Variants in KCNJ6 observed in about 807,000 individuals in gnomAD.
The protein encoded by KCNJ6 is G protein-activated inward rectifier potassium channel 2.
In KCNJ6, 9 loss-of-function variants were observed where a neutral mutation model predicts 34.2. That is an observed-to-expected ratio of 0.26 (90% CI 0.16 to 0.46). KCNJ6 has a LOEUF of 0.46. Among genes scored for constraint, KCNJ6 ranks in the 20% least tolerant of loss-of-function variants. KCNJ6 has a pLI of 1.00. For missense variants in KCNJ6, 236 were observed against 531.3 expected (o/e 0.44, Z 5.46); for synonymous variants, 196 against 207.1 (o/e 0.95, Z 0.46).
intron 1 of KCNJ6, among the ~76,000 whole-genome samples, chr21:37,871,445 G>A (rs747264240): frequency 2.0e-5 from 3 of 152,200 alleles, no homozygotes; most frequent in Admixed American, 6.5e-5. Context: ...TCCCACCCAC[G>A]TATCTGGCAG....
At chr21:37,655,596 A>T (rs184543385) in intron 3 of KCNJ6, among the ~76,000 whole-genome samples, 484 of 152,264 alleles carry the variant, frequency 3.2e-3, no homozygotes, top group South Asian at 0.014. Context: ...TGATGTGAAA[A>T]TTCTTTGCAA....
intron 2 of KCNJ6, among the ~76,000 whole-genome samples, chr21:37,724,041 C>T (rs858041): frequency 0.4 from 59,974 of 151,684 alleles, 12,346 homozygotes; most frequent in Admixed American, 0.47. Flanking sequence ...ATGCGGTGTG[C>T]GTGGAGGAAA....
intron 3 of KCNJ6, among the ~76,000 whole-genome samples, chr21:37,708,178 A>T (rs2123444302): frequency 6.6e-6 from 1 of 152,330 alleles, no homozygotes; most frequent in South Asian, 2.1e-4. Context: ...ATATATGGTG[A>T]CCTTGACTCC....
chr21:37,646,709 C>T (rs1386660948), intron 3 of KCNJ6, among the ~76,000 whole-genome samples: 4 of 147,886 alleles, frequency 2.7e-5, no homozygotes, highest in Non-Finnish European at 4.4e-5. Context: ...TTGGCTCTGT[C>T]GCCCAGGCTG....
At chr21:37,689,069 CTGAA>C (rs1386310966) in intron 3 of KCNJ6, among the ~76,000 whole-genome samples, 1 of 152,132 alleles carries the variant, frequency 6.6e-6, no homozygotes, top group Non-Finnish European at 1.5e-5. Flanking sequence ...CAATGGATAT[CTGAA>C]TGATGTATGT....
At chr21:37,701,212 T>G (rs2054689217) in intron 3 of KCNJ6, among the ~76,000 whole-genome samples, 1 of 152,042 alleles carries the variant, frequency 6.6e-6, no homozygotes. Flanking sequence ...TGGGAAAATG[T>G]GCAGAAGGGA....
intron 2 of KCNJ6, among the ~76,000 whole-genome samples, chr21:37,764,697 G>A (rs1465796896): frequency 9.9e-5 from 15 of 152,160 alleles, no homozygotes; most frequent in Non-Finnish European, 1.8e-4. Context: ...CTTTTTGATG[G>A]TGCTTTCCAA....
chr21:37,706,927 C>T (rs946689402), intron 3 of KCNJ6, among the ~76,000 whole-genome samples: 6 of 152,144 alleles, frequency 3.9e-5, no homozygotes, highest in Non-Finnish European at 5.9e-5. Context: ...CAAATGTAAA[C>T]GATTAGTCTT....
chr21:37,710,850 C>CT (rs1324018401), intron 3 of KCNJ6, among the ~76,000 whole-genome samples: 2 of 152,210 alleles, frequency 1.3e-5, no homozygotes, highest in African/African-American at 4.8e-5. Context: ...AAACGGCCCC[C>CT]TTTAAAAATA....
intron 2 of KCNJ6, among the ~76,000 whole-genome samples, chr21:37,750,850 C>T (rs773722769): frequency 1.3e-5 from 2 of 152,068 alleles, no homozygotes; most frequent in Admixed American, 6.5e-5. Context: ...GCATGTTCTG[C>T]GCAGGTATCC....
intron 3 of KCNJ6, among the ~76,000 whole-genome samples, chr21:37,655,317 G>T (rs2054458855): frequency 6.6e-6 from 1 of 150,386 alleles, no homozygotes; most frequent in South Asian, 2.1e-4. Flanking sequence ...GATACCTAGG[G>T]CCTCTGAGCT....
chr21:37,698,771 A>G (rs1165161131), intron 3 of KCNJ6, among the ~76,000 whole-genome samples: 1 of 150,708 alleles, frequency 6.6e-6, no homozygotes, highest in Non-Finnish European at 1.5e-5. Context: ...ATCTTGGCTT[A>G]CTGTAATCTT....
chr21:37,796,779 CTTTTTTTTTT>C lies in KCNJ6; in HGVS notation c.25+43869_25+43878del, dbSNP rs1172378200. ...GAGTGTTTGTGGGCTTTCTTTCTTT[CTTTTTTTTTT>C]TTTTTTTTTTTTTTTGAGACGGAGT... On this transcript the variant is annotated intron_variant, in intron 2 of 3. Transcript: ENST00000609713. Among the ~76,000 whole-genome samples, 3 of 71,476 alleles carry C rather than the reference CTTTTTTTTTT, an allele frequency of 4.2e-5. 1 individual carries two copies. The highest frequency in any genetic ancestry group is 3.7e-4 in the Admixed American group (2 of 5,342). The allele number at this position is 71,476 out of a possible 152,430, so 46.9% of individuals were successfully genotyped here.
intron 2 of KCNJ6, among the ~76,000 whole-genome samples, chr21:37,772,496 T>C (rs537291028): frequency 2.5e-4 from 38 of 152,322 alleles, no homozygotes; most frequent in Admixed American, 2.1e-3. Context: ...AATTCTACTC[T>C]ATAATTTTTC....
At chr21:37,756,112 G>A (rs1349438350) in intron 2 of KCNJ6, among the ~76,000 whole-genome samples, 1 of 152,190 alleles carries the variant, frequency 6.6e-6, no homozygotes, top group African/African-American at 2.4e-5. Flanking sequence ...CATCCACTTG[G>A]AGGCTGGCAC....
At chr21:37,836,318 G>C (rs1473445985) in intron 2 of KCNJ6, among the ~76,000 whole-genome samples, 1 of 152,164 alleles carries the variant, frequency 6.6e-6, no homozygotes, top group Non-Finnish European at 1.5e-5. Context: ...AGCCATAGTG[G>C]AATACAGTGT....
At chr21:37,760,098 G>C (rs1045212393) in intron 2 of KCNJ6, among the ~76,000 whole-genome samples, 3 of 152,208 alleles carry the variant, frequency 2.0e-5, no homozygotes, top group African/African-American at 4.8e-5. Flanking sequence ...CGAGCCTTCA[G>C]ATAACTGCAG....
chr21:37,668,408 C>T (rs1569441907), intron 3 of KCNJ6, among the ~76,000 whole-genome samples: 3 of 152,158 alleles, frequency 2.0e-5, no homozygotes, highest in African/African-American at 7.2e-5. Flanking sequence ...CCTGGGTCCT[C>T]ACAGGGTCAC....
At chr21:37,782,486 C>T (rs530356246) in intron 2 of KCNJ6, among the ~76,000 whole-genome samples, 45 of 152,330 alleles carry the variant, frequency 3.0e-4, no homozygotes, top group South Asian at 4.1e-4. Flanking sequence ...CTTAGGGCCA[C>T]GCTTGCTGAC....
Sources: allele counts gnomAD v4.1 joint callset (sites outside exome capture counted in the v4.1 genomes callset), GRCh38; gene constraint gnomAD v4.1.1; transcripts MANE v1.5; gene names NCBI Gene and HGNC (gene_info 2026-07-23, HGNC 2026-07-21).